Variants in AXDND1 observed in about 807,000 individuals in gnomAD.
AXDND1 encodes the protein axonemal dynein light chain domain containing 1.
AXDND1 carries 110 observed loss-of-function variants against 137.5 expected under a neutral mutation model. The observed-to-expected ratio is 0.80, with a 90% confidence interval of 0.69 to 0.94. The LOEUF is 0.94. AXDND1 is among the 40% of genes least tolerant of loss of function. The pLI, the probability that AXDND1 is intolerant of heterozygous loss-of-function variation, is 0.00. For missense variants in AXDND1, 1,191 were observed against 1,169.8 expected (o/e 1.02, Z -0.26); for synonymous variants, 414 against 399.7 (o/e 1.04, Z -0.43).
At chr1:179,500,553 C>T (rs191491098) in intron 20 of AXDND1, among the ~76,000 whole-genome samples, 2 of 152,114 alleles carry the variant, frequency 1.3e-5, no homozygotes, top group Non-Finnish European at 2.9e-5. Context: ...GGAAGATACA[C>T]CATGTTCATG....
chr1:179,514,039 AT>A (rs1004299778), intron 21 of AXDND1, among the ~76,000 whole-genome samples: 9 of 150,636 alleles, frequency 6.0e-5, no homozygotes, highest in East Asian at 2.0e-4. Flanking sequence ...TATCTTTTGT[AT>A]TTTTTTTGTT....
At chr1:179,429,252 G>A (rs911073650) in intron 12 of AXDND1, among the ~76,000 whole-genome samples, 1 of 152,112 alleles carries the variant, frequency 6.6e-6, no homozygotes, top group Non-Finnish European at 1.5e-5. Flanking sequence ...AAAAGCATTT[G>A]AGAGTATAAA....
intron 25 of AXDND1, 161 bp downstream of exon 25, chr1:179,535,123 T>C (rs1671410863): frequency 1.9e-6 from 2 of 1,070,778 alleles, no homozygotes; most frequent in African/African-American, 3.2e-5. Context: ...AACCATCTTA[T>C]TCGGACAACT....
intron 12 of AXDND1, among the ~76,000 whole-genome samples, chr1:179,428,987 G>C (rs1024690308): frequency 1.3e-5 from 2 of 149,838 alleles, no homozygotes; most frequent in African/African-American, 4.8e-5. Flanking sequence ...GACAATCCTG[G>C]CTAACAGGTG....
intron 12 of AXDND1, among the ~76,000 whole-genome samples, chr1:179,421,298 G>C (rs1354755853): frequency 6.8e-6 from 1 of 146,566 alleles, no homozygotes; most frequent in South Asian, 2.1e-4. Context: ...TTGGTTATTT[G>C]GGGTCTTTTG....
chr1:179,382,627 G>A, intron 6 of AXDND1, 73 bp from the exon 7 acceptor site: 1 of 1,035,514 alleles, frequency 9.7e-7, no homozygotes, highest in Non-Finnish European at 1.5e-6. Flanking sequence ...GATTCTGGGG[G>A]TTAGTTGTGC....
chr1:179,403,930 G>C (rs1652516717), intron 11 of AXDND1, among the ~76,000 whole-genome samples: 1 of 152,104 alleles, frequency 6.6e-6, no homozygotes, highest in Non-Finnish European at 1.5e-5. Flanking sequence ...GCAGAAGGTG[G>C]CTACAAAAGT....
chr1:179,491,558 T>A lies in AXDND1; in HGVS notation c.2112T>A (p.Ser704=). 6.2e-7 allele frequency: 1 copy of A among 1,607,846 alleles called. No individual in the cohort carries two copies. Among genetic ancestry groups the A allele is most frequent in the Non-Finnish European group, 8.5e-7 (1 of 1,174,432 alleles). The change falls in exon 19 of 26, where the codon TCT becomes TCA. Residue 704 remains serine, a synonymous_variant. Coordinates refer to ENST00000367618, the MANE Select transcript of AXDND1 (RefSeq NM_144696.6). ...LQHHMDELHI[S]MIQWMVNLLI... ...AACAGATGGATGAGTTACATATATCTATGATCCAGTGGATGGTAAACTTGC... is the reference window on the plus strand; with the variant it reads ...AACAGATGGATGAGTTACATATATCAATGATCCAGTGGATGGTAAACTTGC...
At chr1:179,546,145 C>T in intron 25 of AXDND1, 1 of 152,156 alleles carries the variant, frequency 6.6e-6, no homozygotes, top group East Asian at 1.9e-4. Context: ...TGGTCACAAA[C>T]CTCCCTATGG....
intron 20 of AXDND1, among the ~76,000 whole-genome samples, chr1:179,502,965 C>T (rs1000870860): frequency 4.6e-5 from 7 of 151,894 alleles, no homozygotes; most frequent in Non-Finnish European, 1.0e-4. Context: ...CGTGGTGGCG[C>T]ATGCCTGTAA....
At chr1:179,449,569 G>A (rs1412352488) in intron 16 of AXDND1, 1 of 153,034 alleles carries the variant, frequency 6.5e-6, no homozygotes, top group Non-Finnish European at 1.5e-5. Context: ...GCTTCTGATA[G>A]GGATTATGTT....
chr1:179,414,936 G>A (rs1408191695), intron 12 of AXDND1, among the ~76,000 whole-genome samples: 1 of 149,920 alleles, frequency 6.7e-6, no homozygotes, highest in Non-Finnish European at 1.5e-5. Flanking sequence ...TGTGTTACTT[G>A]GTTAGAATAG....
chr1:179,395,572 G>A (rs1650924397), intron 11 of AXDND1, among the ~76,000 whole-genome samples: 1 of 152,118 alleles, frequency 6.6e-6, no homozygotes, highest in African/African-American at 2.4e-5. Flanking sequence ...GCCTAAGTTT[G>A]CCCATATGTA....
At chr1:179,527,895 T>C (rs1670687358) in intron 22 of AXDND1, among the ~76,000 whole-genome samples, 1 of 152,144 alleles carries the variant, frequency 6.6e-6, no homozygotes, top group Non-Finnish European at 1.5e-5. Flanking sequence ...TCCTCTCTAT[T>C]TTACAAGCAC....
At chr1:179,493,006 A>AT (rs1667082609) in intron 20 of AXDND1, 55 bp downstream of exon 20, 1 of 1,312,854 alleles carries the variant, frequency 7.6e-7, no homozygotes, top group East Asian at 2.3e-5. Flanking sequence ...TTTTTATCAG[A>AT]TTTTTGAAGT....
At position 179,488,653 on chromosome 1, in the gene AXDND1, TTCTTTCTTTCTTTCTTTC is replaced by T. The variant is rs1666432018; in HGVS notation, c.2092-2883_2092-2866del. Among the ~76,000 whole-genome samples the T allele has an allele frequency of 5.2e-5, 6 of 116,162 alleles. No individual in the cohort carries two copies. In the East Asian group the frequency reaches 1.4e-3, roughly 27 times the overall value. The allele number at this position is 116,162 out of a possible 152,430, so 76.2% of individuals were successfully genotyped here. A position where few individuals can be genotyped will look rare whatever the true frequency, so the allele number is the denominator to read the frequency against. ...CTCTCTCCTTTCTTTCTTTCTTTCT[TTCTTTCTTTCTTTCTTTC>T]TTTCTTTCTTTCTTTCTTTCTTTCT... On this transcript the variant is annotated intron_variant, in intron 18 of 25. Coordinates refer to ENST00000367618, the MANE Select transcript of AXDND1 (RefSeq NM_144696.6).
At chr1:179,426,498 T>C (rs1235428125) in intron 12 of AXDND1, among the ~76,000 whole-genome samples, 1 of 152,232 alleles carries the variant, frequency 6.6e-6, no homozygotes, top group African/African-American at 2.4e-5. Context: ...TTGATGGGCA[T>C]ATATATTGAT....
At chr1:179,448,110 T>A (rs1659998699) in intron 16 of AXDND1, 2 of 949,874 alleles carry the variant, frequency 2.1e-6, no homozygotes, top group African/African-American at 5.2e-5. Context: ...CCTCATTAAT[T>A]ATTTTTCTTC....
At chr1:179,389,056 C>CCTCCA (rs1417051603) in intron 9 of AXDND1, among the ~76,000 whole-genome samples, 1 of 137,928 alleles carries the variant, frequency 7.3e-6, no homozygotes, top group Non-Finnish European at 1.5e-5. Flanking sequence ...CTCACTGCAA[C>CCTCCA]CTCCACCTCC....
Sources: allele counts gnomAD v4.1 joint callset (sites outside exome capture counted in the v4.1 genomes callset), GRCh38; gene constraint gnomAD v4.1.1; transcripts MANE v1.5; gene names NCBI Gene and HGNC (gene_info 2026-07-23, HGNC 2026-07-21).